CPSF3: variants seen among roughly 807,000 people sequenced by gnomAD.
CPSF3 encodes the protein cleavage and polyadenylation specificity factor subunit 3.
A neutral mutation model predicts 84.1 loss-of-function variants in CPSF3; 57 were observed. That is an observed-to-expected ratio of 0.68 (90% CI 0.55 to 0.85). The LOEUF is 0.85. Ranked by LOEUF, CPSF3 falls within the 40% of genes least tolerant of loss-of-function variation. CPSF3 has a pLI of 0.00. For synonymous variants in CPSF3, 275 were observed against 278.1 expected (o/e 0.99, Z 0.11); for missense variants, 522 against 838.8 (o/e 0.62, Z 4.66).
Position 9,423,665 on chromosome 2 carries a change from T to G in CPSF3, c.-109T>G. 1 of 1,404,756 alleles carries G rather than the reference T, an allele frequency of 7.1e-7. No homozygotes were observed. The highest frequency in any genetic ancestry group is 1.3e-5 in the South Asian group (1 of 74,904). The allele number at this position is 1,404,756 out of a possible 1,614,324, so 87.0% of individuals were successfully genotyped here. A position where few individuals can be genotyped will look rare whatever the true frequency, so the allele number is the denominator to read the frequency against. On this transcript the variant is annotated 5_prime_UTR_variant, in exon 1 of 18. Coordinates refer to ENST00000238112, the MANE Select transcript of CPSF3 (RefSeq NM_016207.4). The stretch of plus-strand genomic sequence containing the variant: ...GGCTCCGGAGTGACGGAAGTTGTGC[T>G]CTTGGTGAATGGGGTTCTTCCTTTT...
intron 15 of CPSF3, among the ~76,000 whole-genome samples, chr2:9,464,221 T>C (rs1235941040): frequency 6.6e-6 from 1 of 152,222 alleles, no homozygotes; most frequent in Non-Finnish European, 1.5e-5. Context: ...GTTTTCAGCA[T>C]GTGTGTGTCC....
chr2:9,454,025 T>A (rs952336541), intron 12 of CPSF3, among the ~76,000 whole-genome samples: 1 of 152,270 alleles, frequency 6.6e-6, no homozygotes, highest in Non-Finnish European at 1.5e-5. Context: ...TAAGTCATTT[T>A]CCAATGAATA....
chr2:9,450,520 G>C lies in CPSF3; in HGVS notation c.1395+2170G>C, dbSNP rs181331484. Among the ~76,000 whole-genome samples, 4 of 152,132 alleles carry C rather than the reference G, an allele frequency of 2.6e-5. No individual in the cohort carries two copies. In the East Asian group the frequency reaches 7.8e-4, roughly 30 times the overall value. ...ATCAACATATGGGCCAGGTGCTGTG[G>C]CTCACGCCCATAATCCCAGGACTTT... On this transcript the variant is annotated intron_variant, in intron 11 of 17. Transcript: ENST00000238112.
In CPSF3 at chr2:9,445,553, G is replaced by C. The variant is rs557112112; in HGVS notation, c.1242+1892G>C. On this transcript the variant is annotated intron_variant, in intron 10 of 17. Transcript: ENST00000238112. ...TGGCCCTTAATGAGCAGATTATTTG[G>C]TCAAGAAAAATCACTCTCCTGTCTA... Among the ~76,000 whole-genome samples, 11 of 152,244 alleles carry C rather than the reference G, an allele frequency of 7.2e-5. No individual in the cohort carries two copies. The South Asian group carries it at 2.3e-3, about 32-fold the overall frequency.
rs1455536114 is a variant in CPSF3 at position 9,444,156 on chromosome 2, A to AT, written c.1242+496dup. On this transcript the variant is annotated intron_variant, in intron 10 of 17. Transcript: ENST00000238112. ...ATATATATATTATATATATATATATATATTTTTTTTTTTTTTGAGGCGGAG... is the reference window on the plus strand; with the variant it reads ...ATATATATATTATATATATATATATATTATTTTTTTTTTTTTTGAGGCGGAG... Among the ~76,000 whole-genome samples, 88 of 134,872 alleles carry AT rather than the reference A, an allele frequency of 6.5e-4. 1 individual carries two copies. Among genetic ancestry groups the AT allele is most frequent in the Middle Eastern group, 6.9e-3 (2 of 290 alleles). 88.5% of individuals were successfully genotyped at this position (134,872 alleles called of 152,430 possible).
chr2:9,457,116 C>A, intron 14 of CPSF3, 89 bp downstream of exon 14: 2 of 677,310 alleles, frequency 3.0e-6, no homozygotes, highest in Non-Finnish European at 5.0e-6. Context: ...AGTTTCTTCC[C>A]AATTAGAAAA....
At chr2:9,461,743 C>CTT (rs530424404) in intron 15 of CPSF3, among the ~76,000 whole-genome samples, 2,961 of 105,176 alleles carry the variant, frequency 0.028, 169 homozygotes, top group African/African-American at 0.11. Context: ...GAAGGAGGAT[C>CTT]TTTTTTTTTT....
chr2:9,434,527 C>T (rs1680711545), intron 6 of CPSF3, among the ~76,000 whole-genome samples: 1 of 152,138 alleles, frequency 6.6e-6, no homozygotes, highest in Non-Finnish European at 1.5e-5. Context: ...ACTGGCTATG[C>T]CCTCTCTCTG....
intron 15 of CPSF3, among the ~76,000 whole-genome samples, chr2:9,462,040 T>C (rs1681743457): frequency 6.6e-6 from 1 of 152,074 alleles, no homozygotes; most frequent in African/African-American, 2.4e-5. Context: ...GATTACAGGC[T>C]TCAGCCACCG....
rs1680662581 is a variant in CPSF3, at chr2:9,433,319, G to C, written c.520-552G>C. Among the ~76,000 whole-genome samples, 5 of 152,288 alleles carry C rather than the reference G, an allele frequency of 3.3e-5. No homozygotes were observed. The South Asian group carries it at 1.0e-3, about 32-fold the overall frequency. On this transcript the variant is annotated intron_variant, in intron 5 of 17. Transcript: ENST00000238112. ...TTCGAGTTTGCTAGGTGATTCTAACGTCAGCCAGAGAACCAATGCTCTAGT... is the reference window on the plus strand; with the variant it reads ...TTCGAGTTTGCTAGGTGATTCTAACCTCAGCCAGAGAACCAATGCTCTAGT...
At chr2:9,448,774 C>T (rs1176726583) in intron 11 of CPSF3, among the ~76,000 whole-genome samples, 1 of 152,116 alleles carries the variant, frequency 6.6e-6, no homozygotes, top group Non-Finnish European at 1.5e-5. Flanking sequence ...CCAGGATGGT[C>T]TTGATCTCTT....
chr2:9,446,918 G>A (rs530679424), intron 10 of CPSF3, among the ~76,000 whole-genome samples: 75 of 152,322 alleles, frequency 4.9e-4, no homozygotes, highest in African/African-American at 1.8e-3. Context: ...GGCTGAGGTG[G>A]AAAGACTGCC....
chr2:9,456,385 G>T (rs2124850660), intron 13 of CPSF3, among the ~76,000 whole-genome samples: 1 of 152,322 alleles, frequency 6.6e-6, no homozygotes, highest in African/African-American at 2.4e-5. Context: ...GACTCATGAA[G>T]TACCACCATA....
At chr2:9,438,702 G>A (rs1482598106) in intron 7 of CPSF3, among the ~76,000 whole-genome samples, 1 of 151,630 alleles carries the variant, frequency 6.6e-6, no homozygotes, top group Non-Finnish European at 1.5e-5. Flanking sequence ...CACCACATTG[G>A]CCAGGCTGGT....
chr2:9,448,145 T>G (rs1486883281), intron 10 of CPSF3, 53 bp from the exon 11 acceptor site: 1 of 1,042,444 alleles, frequency 9.6e-7, no homozygotes, highest in Admixed American at 2.3e-5. Flanking sequence ...TTAAGGACCA[T>G]GATTAAGCTG....
chr2:9,444,823 G>A lies in CPSF3; in HGVS notation c.1242+1162G>A, dbSNP rs111626571. 2.2e-3 allele frequency among the ~76,000 whole-genome samples: 334 copies of A among 152,006 alleles called. 2 individuals carry two copies. The highest frequency in any genetic ancestry group is 7.4e-3 in the African/African-American group (308 of 41,458). ...TGGGATTACAGGCACGTGCCACCACGCCCAGCTAATTTTTGTATTTGTAGT... is the reference window on the plus strand; with the variant it reads ...TGGGATTACAGGCACGTGCCACCACACCCAGCTAATTTTTGTATTTGTAGT... On this transcript the variant is annotated intron_variant, in intron 10 of 17. Coordinates refer to ENST00000238112, the MANE Select transcript of CPSF3 (RefSeq NM_016207.4).
In CPSF3 at chr2:9,471,864, G is replaced by A. The variant is rs148399128; in HGVS notation, c.1953+425G>A. ...TAAAAAATACAAAAAAAATTAGCCG[G>A]GAATGGCGGCAGCTGCCTGTAGTCC... On this transcript the variant is annotated intron_variant, in intron 17 of 17. Transcript: ENST00000238112. 5.3e-3 allele frequency among the ~76,000 whole-genome samples: 802 copies of A among 151,900 alleles called. 9 individuals carry two copies. The highest frequency in any genetic ancestry group is 0.018 in the African/African-American group (761 of 41,362).
chr2:9,463,954 TC>T (rs887662456), intron 15 of CPSF3, among the ~76,000 whole-genome samples: 1 of 152,212 alleles, frequency 6.6e-6, no homozygotes, highest in Non-Finnish European at 1.5e-5. Flanking sequence ...TCAAGGCACC[TC>T]TGTGAAACAA....
intron 12 of CPSF3, 69 bp downstream of exon 12, chr2:9,453,090 C>T: frequency 1.0e-6 from 1 of 952,668 alleles, no homozygotes; most frequent in South Asian, 1.7e-5. Flanking sequence ...GAAAACTTCT[C>T]TTCACCTTGT....
Sources: allele counts gnomAD v4.1 joint callset (sites outside exome capture counted in the v4.1 genomes callset), GRCh38; gene constraint gnomAD v4.1.1; transcripts MANE v1.5; gene names NCBI Gene and HGNC (gene_info 2026-07-23, HGNC 2026-07-21).